The following CKS1B variants were observed in gnomAD, a reference collection of about 807,000 sequenced individuals.
CKS1B encodes CDC28 protein kinase regulatory subunit 1B.
Under a neutral mutation model 12.2 loss-of-function variants are expected in CKS1B, and 5 were observed. That is an observed-to-expected ratio of 0.41 (90% confidence interval 0.21 to 0.86). The LOEUF (loss-of-function observed/expected upper bound fraction) is 0.86. Among genes scored for constraint, CKS1B ranks in the 40% least tolerant of loss-of-function variants. The probability of loss-of-function intolerance (pLI) is 0.32; values close to 1 mark genes in which losing one functional copy is unlikely to be tolerated. For missense variants in CKS1B, 53 were observed against 99.9 expected (o/e 0.53, Z 2.00); for synonymous variants, 24 against 34.4 (o/e 0.70, Z 1.06).
intron 1 of CKS1B, among the ~76,000 whole-genome samples, chr1:154,976,275 G>T (rs1485293034): frequency 6.6e-6 from 1 of 152,188 alleles, no homozygotes; most frequent in South Asian, 2.1e-4. Flanking sequence ...TGGCATTCGG[G>T]CTTGATAAAT....
chr1:154,977,932 A>G (rs199993589), intron 1 of CKS1B, 55 bp from the exon 2 acceptor site: 12 of 1,556,378 alleles, frequency 7.7e-6, no homozygotes, highest in Non-Finnish European at 1.0e-5. Flanking sequence ...GCATTTGTCT[A>G]AGAGACTGTA....
intron 1 of CKS1B, among the ~76,000 whole-genome samples, chr1:154,975,325 T>G (rs1657134275): frequency 6.6e-6 from 1 of 152,134 alleles, no homozygotes; most frequent in South Asian, 2.1e-4. Flanking sequence ...GGAATAAAAC[T>G]GGCTAGGAGC....
At chr1:154,975,025 G>T (rs1183550327) in intron 1 of CKS1B, 1 of 1,239,508 alleles carries the variant, frequency 8.1e-7, no homozygotes, top group Admixed American at 1.7e-5. Context: ...TCAGTAGAGA[G>T]GAGAGAGGGG....
In CKS1B at chr1:154,974,699, C is replaced by T. The variant is rs777901903; in HGVS notation, c.-47C>T. Reference sequence around the variant, plus strand: ...TGGGAGCGCGTGCTGTTGGGAGTTGCTTGGAGGTTGGCGGCGCGGGGCTGA... The same window carrying T: ...TGGGAGCGCGTGCTGTTGGGAGTTGTTTGGAGGTTGGCGGCGCGGGGCTGA... On this transcript the variant is annotated 5_prime_UTR_variant, in exon 1 of 3. Coordinates refer to ENST00000308987, the MANE Select transcript of CKS1B (RefSeq NM_001826.3). 6.4e-6 allele frequency: 10 copies of T among 1,556,668 alleles called. No individual in the cohort carries two copies. Among genetic ancestry groups the T allele is most frequent in the Admixed American group, 3.9e-5 (2 of 51,520 alleles).
At chr1:154,978,224 C>A in intron 2 of CKS1B, 110 bp downstream of exon 2, 1 of 1,117,938 alleles carries the variant, frequency 8.9e-7, no homozygotes, top group Admixed American at 3.3e-5. Flanking sequence ...CTGGTTCCTT[C>A]CCCCTCCAGT....
In CKS1B at chr1:154,974,723, G is replaced by A; in HGVS notation, c.-23G>A. ...GCTTGGAGGTTGGCGGCGCGGGGCT[G>A]AAGGCTAGCAAACCGAGCGATCATG... On this transcript the variant is annotated 5_prime_UTR_variant, in exon 1 of 3. Transcript: ENST00000308987. 1 of 1,575,690 alleles carries A rather than the reference G, an allele frequency of 6.3e-7. No individual in the cohort carries two copies. Among genetic ancestry groups the A allele is most frequent in the Non-Finnish European group, 8.6e-7 (1 of 1,160,756 alleles).
In CKS1B at chr1:154,978,170, G is replaced by T. The variant is rs771087631; in HGVS notation, c.187+56G>T. 3 of 1,553,842 alleles carry T rather than the reference G, an allele frequency of 1.9e-6. No individual in the cohort carries two copies. The East Asian group carries it at 7.2e-5, about 37-fold the overall frequency. ...GAACTGCTACACTGAGAGAATGAAA[G>T]AATAAGATTGTATAACCCAAATAGG... is the stretch of plus-strand genomic sequence containing the variant. On this transcript the variant is annotated intron_variant, in intron 2 of 2. Coordinates refer to ENST00000308987, the MANE Select transcript of CKS1B (RefSeq NM_001826.3).
In CKS1B at chr1:154,977,039, A is replaced by C. The variant is rs72997365; in HGVS notation, c.60-948A>C. Reference sequence around the variant, plus strand: ...TCAGGATAGATTTAATTTTTTTTTTAAGAGACAAGGTCTTGCTTTGTTGCC... The same window carrying C: ...TCAGGATAGATTTAATTTTTTTTTTCAGAGACAAGGTCTTGCTTTGTTGCC... On this transcript the variant is annotated intron_variant, in intron 1 of 2. Transcript: ENST00000308987. 9.5e-3 allele frequency among the ~76,000 whole-genome samples: 1,447 copies of C among 152,102 alleles called. 22 individuals are homozygous for C. The highest frequency in any genetic ancestry group is 0.034 in the African/African-American group (1,397 of 41,486).
chr1:154,975,084 T>A (rs541670410), intron 1 of CKS1B: 4 of 720,162 alleles, frequency 5.6e-6, no homozygotes, highest in Admixed American at 4.4e-5. Context: ...GCTTTCTGGA[T>A]CATTCTCTGA....
chr1:154,978,077 G>A lies in CKS1B; in HGVS notation c.150G>A (p.Gln50=). 1 of 1,614,156 alleles carries A rather than the reference G, an allele frequency of 6.2e-7. No homozygotes were observed. The highest frequency in any genetic ancestry group is 8.5e-7 in the Non-Finnish European group (1 of 1,180,032). ...AATGGAGGAATCTTGGCGTTCAGCA[G>A]AGTCAGGGATGGGTCCATTATATGA... The part of the protein sequence containing the change: ...ESEWRNLGVQ[Q]SQGWVHYMIH... Residue 50 remains glutamine (Q), a synonymous_variant, in exon 2 of 3, where the codon CAG becomes CAA. Transcript: ENST00000308987.
At chr1:154,976,057 G>GC (rs1414650883) in intron 1 of CKS1B, among the ~76,000 whole-genome samples, 3 of 152,040 alleles carry the variant, frequency 2.0e-5, no homozygotes, top group African/African-American at 7.3e-5. Context: ...TAACAAACCT[G>GC]CACATGTACC....
At chr1:154,975,313 ATGGAATAAAAC>A (rs1024883804) in intron 1 of CKS1B, among the ~76,000 whole-genome samples, 1 of 152,164 alleles carries the variant, frequency 6.6e-6, no homozygotes, top group Non-Finnish European at 1.5e-5. Flanking sequence ...TGGGACTGCA[ATGGAATAAAAC>A]TGGCTAGGAG....
At chr1:154,975,039 G>A in intron 1 of CKS1B, 3 of 1,112,574 alleles carry the variant, frequency 2.7e-6, no homozygotes, top group South Asian at 1.3e-5. Context: ...AGAGGGGTGG[G>A]CGTGGTTAGG....
intron 1 of CKS1B, 116 bp from the exon 2 acceptor site, chr1:154,977,871 A>C: frequency 2.0e-6 from 2 of 1,015,498 alleles, no homozygotes; most frequent in Non-Finnish European, 2.8e-6. Context: ...AATTATATAA[A>C]CTCTGACATC....
In CKS1B at chr1:154,979,247, C is replaced by T. The variant is rs1399311188; in HGVS notation, c.*470C>T. ...TGATTAAAGAGGAAGTTTTTATAAT[C>T]TAGTGCTGTAATTGTACGGGTTTTT... On this transcript the variant is annotated 3_prime_UTR_variant, in exon 3 of 3. Coordinates refer to ENST00000308987, the MANE Select transcript of CKS1B (RefSeq NM_001826.3). 2 of 163,348 alleles carry T rather than the reference C, an allele frequency of 1.2e-5. No individual in the cohort carries two copies. The highest frequency in any genetic ancestry group is 4.8e-5 in the African/African-American group (2 of 41,554). 10.1% of individuals were successfully genotyped at this position (163,348 alleles called of 1,614,324 possible). A position where few individuals can be genotyped will look rare whatever the true frequency, so the allele number is the denominator to read the frequency against.
chr1:154,976,758 A>C (rs1398928652), intron 1 of CKS1B, among the ~76,000 whole-genome samples: 1 of 152,218 alleles, frequency 6.6e-6, no homozygotes, highest in Non-Finnish European at 1.5e-5. Context: ...GGGTGGTGTT[A>C]GAATGTGAGC....
chr1:154,978,540 T>A lies in CKS1B; in HGVS notation c.188-185T>A, dbSNP rs1657246471. 6 of 604,998 alleles carry A rather than the reference T, an allele frequency of 9.9e-6. No individual in the cohort carries two copies. In the South Asian group the frequency reaches 1.3e-4, roughly 13 times the overall value. 37.5% of individuals were successfully genotyped at this position (604,998 alleles called of 1,614,324 possible). A position where few individuals can be genotyped will look rare whatever the true frequency, so the allele number is the denominator to read the frequency against. ...TATAAACATAGCAAAAGAACTGATA[T>A]TAACAATTCTGTACTTGGCAGACAG... On this transcript the variant is annotated intron_variant, in intron 2 of 2. Coordinates refer to ENST00000308987, the MANE Select transcript of CKS1B (RefSeq NM_001826.3).
At position 154,979,024 on chromosome 1, in the gene CKS1B, G is replaced by A; in HGVS notation, c.*247G>A. On this transcript the variant is annotated 3_prime_UTR_variant, in exon 3 of 3. Coordinates refer to ENST00000308987, the MANE Select transcript of CKS1B (RefSeq NM_001826.3). The stretch of plus-strand genomic sequence containing the variant: ...TGAGTGTGACCCCAGAAGCCACGAT[G>A]TGCTCTGTATCCAGAACACACTTGG... 1 of 515,168 alleles carries A rather than the reference G, an allele frequency of 1.9e-6. No homozygotes were observed. The highest frequency in any genetic ancestry group is 3.5e-6 in the Non-Finnish European group (1 of 283,316). The allele number at this position is 515,168 out of a possible 1,614,324, so 31.9% of individuals were successfully genotyped here. A position where few individuals can be genotyped will look rare whatever the true frequency, so the allele number is the denominator to read the frequency against.
At position 154,978,847 on chromosome 1, in the gene CKS1B, C is replaced by G; in HGVS notation, c.*70C>G. 4.4e-6 allele frequency: 4 copies of G among 914,140 alleles called. No individual in the cohort carries two copies. Among genetic ancestry groups the G allele is most frequent in the Non-Finnish European group, 7.1e-6 (4 of 560,810 alleles). The allele number at this position is 914,140 out of a possible 1,614,324, so 56.6% of individuals were successfully genotyped here. ...TTACTTCCTAACATCTTTCTGATAA[C>G]ATTATTATGTTGCCTTCTTGTTTCT... On this transcript the variant is annotated 3_prime_UTR_variant, in exon 3 of 3. Coordinates refer to ENST00000308987, the MANE Select transcript of CKS1B (RefSeq NM_001826.3).
Sources: allele counts gnomAD v4.1 joint callset (sites outside exome capture counted in the v4.1 genomes callset), GRCh38; gene constraint gnomAD v4.1.1; transcripts MANE v1.5; gene names NCBI Gene and HGNC (gene_info 2026-07-23, HGNC 2026-07-21).